Variants in SUN2 observed in about 807,000 individuals in gnomAD.
SUN2 encodes Sad1 and UNC84 domain containing 2.
A neutral mutation model predicts 100.0 loss-of-function variants in SUN2; 60 were observed. That is an observed-to-expected ratio of 0.60 (90% CI 0.49 to 0.74). The LOEUF is 0.74. Among genes scored for constraint, SUN2 ranks in the 30% least tolerant of loss-of-function variants. The pLI, the probability that SUN2 is intolerant of heterozygous loss-of-function variation, is 0.00. For synonymous variants in SUN2, 367 were observed against 403.3 expected (o/e 0.91, Z 1.08); for missense variants, 834 against 954.6 (o/e 0.87, Z 1.66).
At chr22:38,742,179 G>T in intron 9 of SUN2, 122 bp downstream of exon 9, 1 of 1,245,370 alleles carries the variant, frequency 8.0e-7, no homozygotes, top group South Asian at 1.6e-5. Context: ...GAGAAAGGGA[G>T]TAACTGCAAA....
rs111911727 is a variant in SUN2 at position 38,738,553 on chromosome 22, G to T, written c.1947+34C>A. ...GAGAGGCCCACAGGATCCCCCTGCA[G>T]CCCCTCTGGCCCCACCACAGGACAG... On this transcript the variant is annotated intron_variant, in intron 16 of 17. Transcript: ENST00000689035. The surrounding 1 kb of genome is among the most constrained non-coding windows in gnomAD (Gnocchi z 6.6). 247 of 1,597,188 alleles carry T rather than the reference G, an allele frequency of 1.5e-4. 1 individual carries two copies. In the African/African-American group the frequency reaches 2.3e-3, roughly 15 times the overall value.
intron 17 of SUN2, chr22:38,736,656 C>T (rs1008455422): frequency 6.9e-6 from 2 of 290,628 alleles, no homozygotes; most frequent in East Asian, 6.6e-5. Flanking sequence ...CAGATAGAAC[C>T]ACCTTCATAG....
Position 38,740,824 on chromosome 22 carries a change from C to T in SUN2, c.1190+183G>A, listed in dbSNP as rs1437043265. On this transcript the variant is annotated intron_variant, in intron 11 of 17. Transcript: ENST00000689035. This position sits in a 1 kb window ranked among gnomAD's most constrained non-coding sequence, Gnocchi z 4.8. ...GCCCTCAGGACCCCCCTGCTAACCTCCATGGCACCTCAAAGACAGGCCCTG... is the reference window on the plus strand; with the variant it reads ...GCCCTCAGGACCCCCCTGCTAACCTTCATGGCACCTCAAAGACAGGCCCTG... 1 of 665,116 alleles carries T rather than the reference C, an allele frequency of 1.5e-6. No homozygotes were observed. Among genetic ancestry groups the T allele is most frequent in the Non-Finnish European group, 2.6e-6 (1 of 385,792 alleles). The allele number at this position is 665,116 out of a possible 1,614,324, so 41.2% of individuals were successfully genotyped here.
Position 38,737,796 on chromosome 22 carries a change from G to A in SUN2, c.2040+377C>T. 1 of 424,852 alleles carries A rather than the reference G, an allele frequency of 2.4e-6. No homozygotes were observed. The highest frequency in any genetic ancestry group is 2.8e-5 in the Admixed American group (1 of 35,820). The allele number at this position is 424,852 out of a possible 1,614,324, so 26.3% of individuals were successfully genotyped here. A position where few individuals can be genotyped will look rare whatever the true frequency, so the allele number is the denominator to read the frequency against. The stretch of plus-strand genomic sequence containing the variant: ...AGATCGGATGCCCACTGAAGTTTAA[G>A]CCGCATGCACTGCCTGAGGCTCCAG... On this transcript the variant is annotated intron_variant, in intron 17 of 17. Coordinates refer to ENST00000689035, the MANE Select transcript of SUN2 (RefSeq NM_015374.3). The surrounding 1 kb of genome is among the most constrained non-coding windows in gnomAD (Gnocchi z 4.1).
chr22:38,755,187 T>C lies in SUN2; in HGVS notation c.-38+576A>G. ...TCTTCCTCGTGACATTTCCACTCCC[T>C]GGGCACAGCCAGGCCACACGCCCTT... On this transcript the variant is annotated intron_variant, in intron 1 of 17. Transcript: ENST00000689035. This position sits in a 1 kb window ranked among gnomAD's most constrained non-coding sequence, Gnocchi z 5.7. 1 of 1,160,914 alleles carries C rather than the reference T, an allele frequency of 8.6e-7. No homozygotes were observed. The highest frequency in any genetic ancestry group is 1.1e-6 in the Non-Finnish European group (1 of 916,948). 71.9% of individuals were successfully genotyped at this position (1,160,914 alleles called of 1,614,324 possible).
At chr22:38,742,154 A>G (rs112912038) in intron 9 of SUN2, 147 bp downstream of exon 9, 6 of 1,108,974 alleles carry the variant, frequency 5.4e-6, no homozygotes, top group Admixed American at 6.1e-5. Context: ...AAAAGAAAAA[A>G]AAAAAAGAAA....
At chr22:38,743,630 A>G (rs1444366468) in intron 8 of SUN2, 1 of 151,484 alleles carries the variant, frequency 6.6e-6, no homozygotes, top group Non-Finnish European at 1.5e-5. Context: ...CCAGCAAAAA[A>G]TCCTCTGCCC....
Position 38,739,134 on chromosome 22 carries a change from A to C in SUN2, c.1664-146T>G, listed in dbSNP as rs2092832707. 3 of 951,142 alleles carry C rather than the reference A, an allele frequency of 3.2e-6. No individual in the cohort carries two copies. Among genetic ancestry groups the C allele is most frequent in the Non-Finnish European group, 4.9e-6 (3 of 615,502 alleles). 58.9% of individuals were successfully genotyped at this position (951,142 alleles called of 1,614,324 possible). A position where few individuals can be genotyped will look rare whatever the true frequency, so the allele number is the denominator to read the frequency against. ...ACCGAGATGCTCAGAGCAGCTTTAA[A>C]GGTCAGCCTCTCCCTGGCCCAGGAT... On this transcript the variant is annotated intron_variant, in intron 14 of 17. Transcript: ENST00000689035. The surrounding 1 kb of genome is among the most constrained non-coding windows in gnomAD (Gnocchi z 6.7).
Position 38,740,038 on chromosome 22 carries a change from G to C in SUN2, c.1357-95C>G. On this transcript the variant is annotated intron_variant, in intron 12 of 17. Transcript: ENST00000689035. This position sits in a 1 kb window ranked among gnomAD's most constrained non-coding sequence, Gnocchi z 4.8. ...AGTGCTTAGCTGGATAGCAGGGATA[G>C]GGTAGGAGGGAGGCCACTGGAGGAA... 3 of 1,414,272 alleles carry C rather than the reference G, an allele frequency of 2.1e-6. No individual in the cohort carries two copies. Among genetic ancestry groups the C allele is most frequent in the Non-Finnish European group, 2.9e-6 (3 of 1,039,914 alleles). 87.6% of individuals were successfully genotyped at this position (1,414,272 alleles called of 1,614,324 possible). A position where few individuals can be genotyped will look rare whatever the true frequency, so the allele number is the denominator to read the frequency against.
At chr22:38,752,714 C>T (rs2092956200) in intron 1 of SUN2, 49 bp from the exon 2 acceptor site, 2 of 1,551,006 alleles carry the variant, frequency 1.3e-6, no homozygotes, top group Non-Finnish European at 1.7e-6. Context: ...GGGCTGTCCC[C>T]AGCTCCTCTC....
chr22:38,742,742 G>T lies in SUN2; in HGVS notation c.814-187C>A, dbSNP rs1195480630. 3.2e-5 allele frequency: 22 copies of T among 677,278 alleles called. No homozygotes were observed. The South Asian group carries it at 4.4e-4, about 13-fold the overall frequency. The allele number at this position is 677,278 out of a possible 1,614,324, so 42.0% of individuals were successfully genotyped here. On this transcript the variant is annotated intron_variant, in intron 8 of 17. Transcript: ENST00000689035. ...GCCGACCTCTGAGCTGGGTGTGCTG[G>T]GAGCCAGGGATCACTGGGTGCCGGC...
intron 8 of SUN2, 124 bp downstream of exon 8, chr22:38,745,560 G>T: frequency 7.9e-7 from 1 of 1,271,252 alleles, no homozygotes; most frequent in Non-Finnish European, 1.1e-6. Context: ...CTTGTAAGAT[G>T]GCAACTAACA....
chr22:38,755,493 T>TGC lies in SUN2; in HGVS notation c.-38+268_-38+269dup. On this transcript the variant is annotated intron_variant, in intron 1 of 17. Transcript: ENST00000689035. This position sits in a 1 kb window ranked among gnomAD's most constrained non-coding sequence, Gnocchi z 5.7. ...GGGCCGGGTTGGGGCAGTCGGCCTT[T>TGC]GCCCTCCTCCTCCCGGGAGGCTGCC... The TGC allele has an allele frequency of 1.0e-6, 1 of 986,778 alleles. No individual in the cohort carries two copies. The highest frequency in any genetic ancestry group is 1.2e-6 in the Non-Finnish European group (1 of 830,698). 61.1% of individuals were successfully genotyped at this position (986,778 alleles called of 1,614,324 possible).
chr22:38,739,044 A>G lies in SUN2; in HGVS notation c.1664-56T>C, dbSNP rs1354379433. ...CCCGCACGGGAGGAGGGCCCCGCTCAGGCCATTGGCTGTCTCCTCGCTGAA... is the reference window on the plus strand; with the variant it reads ...CCCGCACGGGAGGAGGGCCCCGCTCGGGCCATTGGCTGTCTCCTCGCTGAA... On this transcript the variant is annotated intron_variant, in intron 14 of 17. Transcript: ENST00000689035. This position sits in a 1 kb window ranked among gnomAD's most constrained non-coding sequence, Gnocchi z 6.7. The G allele has an allele frequency of 4.6e-6, 7 of 1,523,848 alleles. No individual in the cohort carries two copies. The African/African-American group carries it at 8.2e-5, about 18-fold the overall frequency. 94.4% of individuals were successfully genotyped at this position (1,523,848 alleles called of 1,614,324 possible). A position where few individuals can be genotyped will look rare whatever the true frequency, so the allele number is the denominator to read the frequency against.
intron 8 of SUN2, 22 bp downstream of exon 8, chr22:38,745,662 G>C: frequency 1.2e-6 from 2 of 1,612,256 alleles, no homozygotes; most frequent in South Asian, 2.2e-5. Context: ...GCTCTTGGGA[G>C]CTACCACCCT....
At chr22:38,750,425 C>T in intron 4 of SUN2, 105 bp from the exon 5 acceptor site, 1 of 1,545,150 alleles carries the variant, frequency 6.5e-7, no homozygotes, top group Non-Finnish European at 8.8e-7. Context: ...CCTTCACATC[C>T]CCACAGCCCC....
At position 38,739,209 on chromosome 22, in the gene SUN2, G is replaced by T. The variant is rs2092833354; in HGVS notation, c.1663+133C>A. On this transcript the variant is annotated intron_variant, in intron 14 of 17. Coordinates refer to ENST00000689035, the MANE Select transcript of SUN2 (RefSeq NM_015374.3). This position sits in a 1 kb window ranked among gnomAD's most constrained non-coding sequence, Gnocchi z 6.7. ...CTGAATTGCCACTTGCCTTTGTCAT[G>T]GGTACTAGGTTGGGTGATTTCTGCT... The T allele has an allele frequency of 7.5e-6, 8 of 1,070,598 alleles. No individual in the cohort carries two copies. Among genetic ancestry groups the T allele is most frequent in the Admixed American group, 1.9e-5 (1 of 52,602 alleles). 66.3% of individuals were successfully genotyped at this position (1,070,598 alleles called of 1,614,324 possible).
chr22:38,754,861 C>G (rs1432426201), intron 1 of SUN2: 2 of 1,289,260 alleles, frequency 1.6e-6, no homozygotes, highest in South Asian at 2.5e-5. Flanking sequence ...GCCTCTCAGT[C>G]TTTCCTGCGG....
rs2092975270 is a variant in SUN2, at chr22:38,755,034, CAGTT to C, written c.-38+725_-38+728del. 1.8e-6 allele frequency: 2 copies of C among 1,142,312 alleles called. No individual in the cohort carries two copies. The highest frequency in any genetic ancestry group is 2.5e-5 in the Admixed American group (1 of 39,262). The allele number at this position is 1,142,312 out of a possible 1,614,324, so 70.8% of individuals were successfully genotyped here. ...CCCGCCCCACCTCCTCCCTAACAAT[CAGTT>C]AGGAAACGCTCATCGGAAAGCATCC... On this transcript the variant is annotated intron_variant, in intron 1 of 17. Coordinates refer to ENST00000689035, the MANE Select transcript of SUN2 (RefSeq NM_015374.3). The surrounding 1 kb of genome is among the most constrained non-coding windows in gnomAD (Gnocchi z 5.7).
Sources: allele counts gnomAD v4.1 joint callset, GRCh38; gene constraint gnomAD v4.1.1; non-coding constraint Gnocchi (gnomAD v3.1); transcripts MANE v1.5; gene names NCBI Gene and HGNC (gene_info 2026-07-23, HGNC 2026-07-21).